SPTAN1: variants seen among roughly 807,000 people sequenced by gnomAD.
The protein encoded by SPTAN1 is spectrin alpha chain, non-erythrocytic 1.
Under a neutral mutation model 331.3 loss-of-function variants are expected in SPTAN1, and 61 were observed. The observed-to-expected ratio is 0.18, with a 90% CI of 0.15 to 0.23. The LOEUF (loss-of-function observed/expected upper bound fraction) is 0.23, where lower values mean the gene tolerates loss of function less well. Among genes scored for constraint, SPTAN1 ranks in the 10% least tolerant of loss-of-function variants. SPTAN1 has a pLI of 1.00. For missense variants in SPTAN1, 2,043 were observed against 3,147.9 expected (o/e 0.65, Z 8.40); for synonymous variants, 1,153 against 1,173.9 (o/e 0.98, Z 0.36).
intron 18 of SPTAN1, among the ~76,000 whole-genome samples, 172 bp downstream of exon 18, chr9:128,585,015 CTTTTT>C (rs11382658): frequency 1.5e-5 from 2 of 133,134 alleles, no homozygotes. Context: ...GCCTGAATTT[CTTTTT>C]TTTTTTTTTT....
intron 37 of SPTAN1, among the ~76,000 whole-genome samples, chr9:128,609,916 A>G (rs1856384632): frequency 6.6e-6 from 1 of 152,116 alleles, no homozygotes; most frequent in South Asian, 2.1e-4. Flanking sequence ...AATTCTGTAC[A>G]GTGTTTGATT....
intron 10 of SPTAN1, 63 bp downstream of exon 10, chr9:128,579,801 C>CTAT: frequency 7.7e-7 from 1 of 1,301,572 alleles, no homozygotes; most frequent in Non-Finnish European, 1.1e-6. Context: ...TCTCTGAAAG[C>CTAT]TATTATTCAT....
Position 128,577,498 on chromosome 9 carries a change from T to C in SPTAN1, c.1077T>C (p.Asp359=), listed in dbSNP as rs768294119. The stretch of plus-strand genomic sequence containing the variant: ...CAGAGAGACATGCACGGCTCAATGA[T>C]TCATACAGGTGCAAATAATGCTCCA... ...LAAERHARLN[D]SYRLQRFLAD... is the part of the protein sequence containing the mutation. Residue 359 remains aspartate (D), a synonymous_variant, in exon 8 of 57, where the codon GAT becomes GAC. Coordinates refer to ENST00000372739, the MANE Select transcript of SPTAN1 (RefSeq NM_001130438.3). The surrounding 1 kb of genome is among the most constrained non-coding windows in gnomAD (Gnocchi z 4.2). 1.2e-6 allele frequency: 2 copies of C among 1,613,752 alleles called. No homozygotes were observed. The highest frequency in any genetic ancestry group is 1.7e-6 in the Non-Finnish European group (2 of 1,180,032).
chr9:128,580,801 A>T, intron 10 of SPTAN1, 121 bp from the exon 11 acceptor site: 1 of 1,425,374 alleles, frequency 7.0e-7, no homozygotes, highest in Non-Finnish European at 9.8e-7. Context: ...CCCTTTTGCA[A>T]ATCGGAAAAA....
Position 128,632,972 on chromosome 9 carries a change from G to T in SPTAN1, c.7308+17G>T, listed in dbSNP as rs998004157. On this transcript the variant is annotated intron_variant, in intron 56 of 56. Coordinates refer to ENST00000372739, the MANE Select transcript of SPTAN1 (RefSeq NM_001130438.3). Reference sequence around the variant, plus strand: ...CTCTACCAGGTATGGGCCTCAGGAGGTGGGTGAAGAGGTGTCCTTTGGAAA... The same window carrying T: ...CTCTACCAGGTATGGGCCTCAGGAGTTGGGTGAAGAGGTGTCCTTTGGAAA... 65 of 1,609,834 alleles carry T rather than the reference G, an allele frequency of 4.0e-5. No homozygotes were observed. Among genetic ancestry groups the T allele is most frequent in the Non-Finnish European group, 5.3e-5 (63 of 1,180,004 alleles).
Position 128,585,737 on chromosome 9 carries a change from C to G in SPTAN1, c.2561-11C>G. The G allele has an allele frequency of 6.2e-7, 1 of 1,611,976 alleles. No individual in the cohort carries two copies. Among genetic ancestry groups the G allele is most frequent in the Non-Finnish European group, 8.5e-7 (1 of 1,178,262 alleles). On this transcript the variant is annotated splice_polypyrimidine_tract_variant and intron_variant, in intron 18 of 56. Transcript: ENST00000372739. ...AGTTTTTGTTATCCTCTTTCCCTACCCATCTTCCAGGCCATTTTGCTGCAG... is the reference window on the plus strand; with the variant it reads ...AGTTTTTGTTATCCTCTTTCCCTACGCATCTTCCAGGCCATTTTGCTGCAG...
chr9:128,583,363 AC>A lies in SPTAN1; in HGVS notation c.2011+88del, dbSNP rs1852183583. On this transcript the variant is annotated intron_variant, in intron 15 of 56. Coordinates refer to ENST00000372739, the MANE Select transcript of SPTAN1 (RefSeq NM_001130438.3). Reference sequence around the variant, plus strand: ...TCTATTAAGTATTTTAGGGACATATACCCCCCAAGAAAGGTGAGGTGGATGA... The same window carrying A: ...TCTATTAAGTATTTTAGGGACATATACCCCCAAGAAAGGTGAGGTGGATGA... The A allele has an allele frequency of 3.6e-5, 50 of 1,381,624 alleles. No individual in the cohort carries two copies. In the South Asian group the frequency reaches 5.7e-4, roughly 16 times the overall value. 85.6% of individuals were successfully genotyped at this position (1,381,624 alleles called of 1,614,324 possible). A position where few individuals can be genotyped will look rare whatever the true frequency, so the allele number is the denominator to read the frequency against.
intron 41 of SPTAN1, 65 bp downstream of exon 41, chr9:128,615,905 GCTGA>G: frequency 6.4e-7 from 1 of 1,558,730 alleles, no homozygotes; most frequent in Non-Finnish European, 8.8e-7. Context: ...GGAACCACAG[GCTGA>G]CTGTTGAGTG....
chr9:128,582,863 A>T lies in SPTAN1; in HGVS notation c.1806+14A>T, dbSNP rs774792328. The T allele has an allele frequency of 6.2e-7, 1 of 1,611,872 alleles. No homozygotes were observed. The highest frequency in any genetic ancestry group is 1.1e-5 in the South Asian group (1 of 91,006). ...GAAGCTTATAAAGTAATGTACTGTT[A>T]GTGTTGCCATGTAGCACTCGATTAG... On this transcript the variant is annotated intron_variant, in intron 14 of 56. Transcript: ENST00000372739.
intron 24 of SPTAN1, among the ~76,000 whole-genome samples, chr9:128,597,162 T>C (rs1026048823): frequency 6.6e-6 from 1 of 151,602 alleles, no homozygotes; most frequent in Non-Finnish European, 1.5e-5. Context: ...TGAGTCTCAT[T>C]AGAGAAAAAA....
intron 3 of SPTAN1, among the ~76,000 whole-genome samples, chr9:128,570,213 T>C (rs1251002968): frequency 6.6e-6 from 1 of 151,294 alleles, no homozygotes; most frequent in Non-Finnish European, 1.5e-5. Context: ...AGAGATCAAG[T>C]GTTTGGCTTC....
intron 48 of SPTAN1, 108 bp downstream of exon 48, chr9:128,626,086 G>A (rs746536511): frequency 7.3e-7 from 1 of 1,371,422 alleles, no homozygotes; most frequent in South Asian, 1.3e-5. Flanking sequence ...TGTGAGCTCA[G>A]TGCAGAGCTT....
intron 1 of SPTAN1, among the ~76,000 whole-genome samples, chr9:128,557,091 C>G (rs1244308875): frequency 2.0e-5 from 3 of 152,196 alleles, no homozygotes; most frequent in Non-Finnish European, 2.9e-5. Context: ...TGAATGGTTT[C>G]TATGATCTTT....
At chr9:128,624,846 A>G (rs1445279824) in intron 46 of SPTAN1, 1 of 583,832 alleles carries the variant, frequency 1.7e-6, no homozygotes, top group African/African-American at 1.9e-5. Context: ...CTGGGTCCGG[A>G]TATCGGGGTC....
intron 9 of SPTAN1, among the ~76,000 whole-genome samples, chr9:128,578,835 G>GAAAAA (rs10600950): frequency 8.4e-6 from 1 of 119,236 alleles, no homozygotes; most frequent in Non-Finnish European, 1.8e-5. Context: ...CTGTCTCAAA[G>GAAAAA]AAAAAAAAAA....
intron 43 of SPTAN1, 41 bp from the exon 44 acceptor site, chr9:128,618,830 A>G (rs997338661): frequency 6.2e-7 from 1 of 1,613,882 alleles, no homozygotes; most frequent in Non-Finnish European, 8.5e-7. Flanking sequence ...TCAAAGCTGG[A>G]GGAGATTATG....
intron 26 of SPTAN1, 29 bp from the exon 27 acceptor site, chr9:128,600,051 G>T (rs1854893149): frequency 1.2e-6 from 2 of 1,614,004 alleles, no homozygotes; most frequent in Non-Finnish European, 1.7e-6. Flanking sequence ...CAATTGCTTG[G>T]CTGCCTAAAT....
intron 5 of SPTAN1, among the ~76,000 whole-genome samples, 187 bp from the exon 6 acceptor site, chr9:128,576,636 C>A (rs1251706136): frequency 1.3e-5 from 2 of 152,182 alleles, no homozygotes. Flanking sequence ...ATGGCTCTCC[C>A]CTTTTTACAT....
chr9:128,607,725 G>C, intron 32 of SPTAN1, 22 bp downstream of exon 32: 1 of 1,613,444 alleles, frequency 6.2e-7, no homozygotes, highest in Non-Finnish European at 8.5e-7. Flanking sequence ...TGCCTGCTGA[G>C]TAGCAAAGAC....
Sources: allele counts gnomAD v4.1 joint callset (sites outside exome capture counted in the v4.1 genomes callset), GRCh38; gene constraint gnomAD v4.1.1; non-coding constraint Gnocchi (gnomAD v3.1); transcripts MANE v1.5; gene names NCBI Gene and HGNC (gene_info 2026-07-23, HGNC 2026-07-21).